The following DLG2 variants were observed in gnomAD, a reference collection of about 807,000 sequenced individuals.
DLG2 encodes discs large MAGUK scaffold protein 2, also known as disks large homolog 2.
Under a neutral mutation model 132.5 loss-of-function variants are expected in DLG2, and 45 were observed. The ratio of observed to expected loss-of-function variants is 0.34; its 90% CI spans 0.27 to 0.44. The LOEUF (loss-of-function observed/expected upper bound fraction) is 0.44. Among genes scored for constraint, DLG2 ranks in the 20% least tolerant of loss-of-function variants. The pLI is 1.00. For synonymous variants in DLG2, 424 were observed against 419.6 expected, an observed-to-expected ratio of 1.01 and a Z score of -0.13; for missense variants, 1,045 against 1,196.9, an observed-to-expected ratio of 0.87 and a Z score of 1.87.
intron 4 of DLG2, among the ~76,000 whole-genome samples, chr11:85,235,818 A>T (rs1036638429): frequency 3.7e-4 from 56 of 152,000 alleles, no homozygotes; most frequent in Non-Finnish European, 4.0e-4. Context: ...GCCAGAATAG[A>T]TCATATAGAA....
At chr11:84,107,174 A>T (rs973354576) in intron 9 of DLG2, among the ~76,000 whole-genome samples, 6 of 151,976 alleles carry the variant, frequency 3.9e-5, no homozygotes, top group Admixed American at 6.6e-5. Flanking sequence ...ACAGGAGAGA[A>T]GAGAGCACAC....
chr11:84,223,774 C>T (rs2096950369), intron 8 of DLG2, among the ~76,000 whole-genome samples: 1 of 152,126 alleles, frequency 6.6e-6, no homozygotes, highest in African/African-American at 2.4e-5. Flanking sequence ...CCAGGCTGGC[C>T]TCAAACTCCT....
At chr11:85,265,462 C>T (rs2077158904) in intron 4 of DLG2, among the ~76,000 whole-genome samples, 1 of 152,156 alleles carries the variant, frequency 6.6e-6, no homozygotes, top group South Asian at 2.1e-4. Flanking sequence ...CCATTTGGCT[C>T]CAAGGCCTAT....
intron 6 of DLG2, among the ~76,000 whole-genome samples, chr11:84,694,859 T>C (rs139512615): frequency 3.0e-4 from 46 of 151,668 alleles, no homozygotes; most frequent in African/African-American, 1.1e-3. Flanking sequence ...GGAGAGCAGA[T>C]GGATTTAGCT....
intron 5 of DLG2, chr11:85,132,961 T>C (rs985256351): frequency 5.2e-6 from 2 of 385,780 alleles, no homozygotes; most frequent in African/African-American, 4.2e-5. Context: ...CCCTCCTCCA[T>C]ACAGCTCAAG....
At chr11:84,942,932 T>C (rs951161907) in intron 6 of DLG2, among the ~76,000 whole-genome samples, 14 of 152,220 alleles carry the variant, frequency 9.2e-5, no homozygotes, top group Admixed American at 2.0e-4. Flanking sequence ...TAACAATTAC[T>C]ATATCCTCTT....
At chr11:85,015,691 A>G (rs1321293600) in intron 6 of DLG2, among the ~76,000 whole-genome samples, 1 of 152,174 alleles carries the variant, frequency 6.6e-6, no homozygotes, top group African/African-American at 2.4e-5. Context: ...ATAAATCTAT[A>G]AAGCTCATCA....
At chr11:83,520,364 C>T (rs987344789) in intron 21 of DLG2, among the ~76,000 whole-genome samples, 11 of 152,122 alleles carry the variant, frequency 7.2e-5, no homozygotes, top group African/African-American at 2.7e-4. Flanking sequence ...TCATAGCTTC[C>T]CCATTGTTGC....
chr11:84,360,783 G>GA (rs1021327436), intron 7 of DLG2, among the ~76,000 whole-genome samples: 1 of 151,468 alleles, frequency 6.6e-6, no homozygotes, highest in Non-Finnish European at 1.5e-5. Flanking sequence ...CCATAATTAG[G>GA]AAAAAAATGA....
intron 7 of DLG2, among the ~76,000 whole-genome samples, chr11:84,279,620 A>G (rs1261569182): frequency 6.6e-6 from 1 of 152,246 alleles, no homozygotes; most frequent in Non-Finnish European, 1.5e-5. Flanking sequence ...ATGGAATACT[A>G]TGCAGCCATA....
chr11:83,480,698 A>G (rs773113666), intron 22 of DLG2: 9 of 1,356,424 alleles, frequency 6.6e-6, no homozygotes, highest in Admixed American at 2.0e-5. Context: ...TTAGAAAAAT[A>G]CTATGACCCA....
intron 6 of DLG2, among the ~76,000 whole-genome samples, chr11:84,622,423 CATT>C (rs2099615626): frequency 6.6e-6 from 1 of 152,098 alleles, no homozygotes; most frequent in Non-Finnish European, 1.5e-5. Context: ...CAACTACAAA[CATT>C]CTTGGATATG....
In DLG2 at chr11:84,903,415, G is replaced by A. The variant is rs369437387; in HGVS notation, c.357+208246C>T. Among the ~76,000 whole-genome samples, 3 of 151,924 alleles carry A rather than the reference G, an allele frequency of 2.0e-5. No homozygotes were observed. The East Asian group carries it at 5.8e-4, about 29-fold the overall frequency. ...ACACCCCTTTGCGTAGTTAGCTAAG[G>A]CCCCACCATTCCTATAGAGTATGCT... On this transcript the variant is annotated intron_variant, in intron 6 of 27. Transcript: ENST00000376104.
At chr11:83,534,523 A>C (rs2095835781) in intron 20 of DLG2, among the ~76,000 whole-genome samples, 1 of 152,238 alleles carries the variant, frequency 6.6e-6, no homozygotes, top group South Asian at 2.1e-4. Context: ...AACACAGTGA[A>C]GATCAGGGTT....
chr11:85,530,288 G>A (rs752285274), intron 3 of DLG2, among the ~76,000 whole-genome samples: 8 of 150,262 alleles, frequency 5.3e-5, no homozygotes, highest in South Asian at 2.1e-4. Context: ...AAGCCACTGC[G>A]CCTGGCCTTT....
chr11:83,866,903 T>C (rs2062497054), intron 16 of DLG2, among the ~76,000 whole-genome samples: 1 of 152,178 alleles, frequency 6.6e-6, no homozygotes, highest in Non-Finnish European at 1.5e-5. Context: ...GACCTGTGAC[T>C]TCCCGGCTTC....
At chr11:84,836,164 G>A (rs148994266) in intron 6 of DLG2, among the ~76,000 whole-genome samples, 1 of 151,700 alleles carries the variant, frequency 6.6e-6, no homozygotes, top group African/African-American at 2.4e-5. Flanking sequence ...TAAGAGAATT[G>A]GTAATTAATT....
chr11:85,546,570 T>G (rs1460579939), intron 3 of DLG2, among the ~76,000 whole-genome samples: 1 of 152,210 alleles, frequency 6.6e-6, no homozygotes. Context: ...GTCATTGATC[T>G]GTCTAATATT....
At chr11:85,455,574 G>A (rs1384291464) in intron 3 of DLG2, among the ~76,000 whole-genome samples, 2 of 152,146 alleles carry the variant, frequency 1.3e-5, no homozygotes, top group African/African-American at 4.8e-5. Flanking sequence ...AATAAGAGTG[G>A]TGAGAGAGGG....
Sources: gnomAD v4.1 joint callset for allele counts (sites outside exome capture counted in the v4.1 genomes callset) on GRCh38, gnomAD v4.1.1 for gene constraint, MANE v1.5 for transcripts, NCBI Gene and HGNC (gene_info 2026-07-23, HGNC 2026-07-21) for gene names.